Variants in SUCLG1 observed in about 807,000 individuals in gnomAD.
SUCLG1 encodes succinate--CoA ligase [ADP/GDP-forming] subunit alpha, mitochondrial.
SUCLG1 carries 26 observed loss-of-function variants against 37.3 expected under a neutral mutation model. The ratio of observed to expected loss-of-function variants is 0.70; its 90% CI spans 0.51 to 0.97. SUCLG1 has a LOEUF of 0.97. Among genes scored for constraint, SUCLG1 ranks in the 50% least tolerant of loss-of-function variants. The pLI is 0.00. For synonymous variants in SUCLG1, 163 were observed against 155.6 expected (o/e 1.05, Z -0.36); for missense variants, 433 against 432.9 (o/e 1.00, Z 0.00).
chr2:84,425,375 C>A, intron 8 of SUCLG1, 40 bp downstream of exon 8: 1 of 1,612,840 alleles, frequency 6.2e-7, no homozygotes, highest in Non-Finnish European at 8.5e-7. Flanking sequence ...ACAGAGAAAG[C>A]CTGCAACCTC....
chr2:84,451,867 A>G (rs1233493565), intron 1 of SUCLG1, among the ~76,000 whole-genome samples: 1 of 152,242 alleles, frequency 6.6e-6, no homozygotes, highest in Non-Finnish European at 1.5e-5. Flanking sequence ...CTTCTAGATA[A>G]GCTGGAACTA....
At chr2:84,445,162 T>C (rs1379144467) in intron 2 of SUCLG1, among the ~76,000 whole-genome samples, 1 of 152,196 alleles carries the variant, frequency 6.6e-6, no homozygotes, top group Admixed American at 6.5e-5. Context: ...ATCATCACAA[T>C]TTATGTTCAG....
intron 2 of SUCLG1, among the ~76,000 whole-genome samples, chr2:84,449,296 C>T (rs1321106533): frequency 6.6e-6 from 1 of 152,058 alleles, no homozygotes; most frequent in East Asian, 1.9e-4. Flanking sequence ...TGTACAAAAC[C>T]TAAACACAAG....
intron 6 of SUCLG1, chr2:84,432,441 G>C (rs1248690595): frequency 6.6e-6 from 1 of 152,166 alleles, no homozygotes; most frequent in Admixed American, 6.6e-5. Context: ...CGTTAGATCT[G>C]TCATTTCCTA....
intron 5 of SUCLG1, among the ~76,000 whole-genome samples, chr2:84,434,623 T>C (rs1204492266): frequency 1.3e-5 from 2 of 152,342 alleles, no homozygotes; most frequent in East Asian, 1.9e-4. Flanking sequence ...CATGGTTTAC[T>C]TTCCTTAAAC....
intron 2 of SUCLG1, among the ~76,000 whole-genome samples, chr2:84,449,154 G>T (rs923771277): frequency 8.5e-5 from 13 of 152,284 alleles, no homozygotes; most frequent in African/African-American, 3.1e-4. Flanking sequence ...TCATCCCAGA[G>T]AAAGTATAAG....
intron 1 of SUCLG1, among the ~76,000 whole-genome samples, chr2:84,452,509 A>G (rs552213072): frequency 2.0e-5 from 3 of 152,354 alleles, no homozygotes; most frequent in South Asian, 4.1e-4. Flanking sequence ...TACATGATTT[A>G]TGAGTATACT....
In SUCLG1 at chr2:84,443,363, G is replaced by A. The variant is rs1409823999; in HGVS notation, c.239C>T (p.Thr80Ile). ...FHSQQALEYG[T>I]KLVGGTTPGK... ...TGGAGTGGTTCCTCCAACGAGTTTG[G>A]TGCCATATTCCAATGCCTGCTGGCT... is the stretch of plus-strand genomic sequence containing the variant. Residue 80 changes from threonine to isoleucine, a missense_variant, in exon 3 of 9, where the codon ACC becomes ATC. Coordinates refer to ENST00000393868, the MANE Select transcript of SUCLG1 (RefSeq NM_003849.4). 1.9e-6 allele frequency: 3 copies of A among 1,614,170 alleles called. No homozygotes were observed. The highest frequency in any genetic ancestry group is 2.5e-6 in the Non-Finnish European group (3 of 1,180,006).
At chr2:84,441,653 T>C (rs939178533) in intron 3 of SUCLG1, among the ~76,000 whole-genome samples, 194 bp from the exon 4 acceptor site, 1 of 152,168 alleles carries the variant, frequency 6.6e-6, no homozygotes, top group Non-Finnish European at 1.5e-5. Context: ...TCTCAGCCCA[T>C]TTGAATGCCA....
intron 5 of SUCLG1, among the ~76,000 whole-genome samples, chr2:84,437,292 G>A (rs961350248): frequency 6.6e-6 from 1 of 152,112 alleles, no homozygotes; most frequent in African/African-American, 2.4e-5. Flanking sequence ...CAAAGTATTA[G>A]TATCTAGAAC....
intron 2 of SUCLG1, among the ~76,000 whole-genome samples, chr2:84,444,346 C>T (rs1024495255): frequency 1.2e-4 from 19 of 152,024 alleles, no homozygotes; most frequent in Admixed American, 1.0e-3. Flanking sequence ...GCTGGGTGTC[C>T]GGGGAAGACA....
At chr2:84,452,805 CAGT>C (rs1443521906) in intron 1 of SUCLG1, among the ~76,000 whole-genome samples, 1 of 152,156 alleles carries the variant, frequency 6.6e-6, no homozygotes, top group Non-Finnish European at 1.5e-5. Context: ...GCCTTACACA[CAGT>C]AGGTCTATGG....
At chr2:84,444,952 T>C (rs997726038) in intron 2 of SUCLG1, among the ~76,000 whole-genome samples, 6 of 152,212 alleles carry the variant, frequency 3.9e-5, no homozygotes, top group African/African-American at 1.4e-4. Flanking sequence ...CCTGTTCCTT[T>C]TTCATGGTGC....
rs73942653 is a variant in SUCLG1 at position 84,423,539 on chromosome 2, T to C, written c.*207A>G. On this transcript the variant is annotated 3_prime_UTR_variant, in exon 9 of 9. Transcript: ENST00000393868. ...CCTCCAAAACCATATTGAAATCAAA[T>C]AGTAGATTTATTGGCTGTCTCTGTA... 2.5e-3 allele frequency: 1,535 copies of C among 616,118 alleles called. 20 individuals are homozygous for C. The African/African-American group carries it at 0.026, about 11-fold the overall frequency. 38.2% of individuals were successfully genotyped at this position (616,118 alleles called of 1,614,324 possible). A position where few individuals can be genotyped will look rare whatever the true frequency, so the allele number is the denominator to read the frequency against.
At position 84,429,841 on chromosome 2, in the gene SUCLG1, G is replaced by C. The variant is rs185025929; in HGVS notation, c.825+1667C>G. Among the ~76,000 whole-genome samples the C allele has an allele frequency of 5.3e-5, 8 of 152,232 alleles. No homozygotes were observed. In the East Asian group the frequency reaches 7.7e-4, roughly 15 times the overall value. ...TAAACAGAATGGCCTAAGAGTAAAG[G>C]GGGGTGGTTGGAGAAAATAAGAGAG... is the stretch of plus-strand genomic sequence containing the variant. On this transcript the variant is annotated intron_variant, in intron 7 of 8. Transcript: ENST00000393868.
chr2:84,429,521 G>A (rs1241627133), intron 7 of SUCLG1, among the ~76,000 whole-genome samples: 1 of 152,122 alleles, frequency 6.6e-6, no homozygotes, highest in African/African-American at 2.4e-5. Flanking sequence ...GCAGGGCACT[G>A]AAGTTAACAG....
intron 1 of SUCLG1, among the ~76,000 whole-genome samples, chr2:84,452,886 C>T (rs1218953039): frequency 6.6e-6 from 1 of 152,174 alleles, no homozygotes; most frequent in Non-Finnish European, 1.5e-5. Flanking sequence ...CCAAGCTAAA[C>T]ACCATAAGGT....
rs371630011 is a variant in SUCLG1 at position 84,441,419 on chromosome 2, A to C, written c.359T>G (p.Val120Gly). The C allele has an allele frequency of 2.5e-6, 4 of 1,614,176 alleles. No homozygotes were observed. In the African/African-American group the frequency reaches 5.3e-5, roughly 22 times the overall value. Reference protein sequence around the residue: ...QTGATASVIYVPPPFAAAAIN... With the variant: ...QTGATASVIYGPPPFAAAAIN... ...GGCAGCAGCAGCAAAAGGCGGAGGA[A>C]CATAAATGACAGAAGCCGTTGCTCC... Residue 120 changes from valine to glycine, a missense_variant, in exon 4 of 9, where the codon GTT becomes GGT. By Grantham distance (109) the Val-to-Gly change is moderately radical. Coordinates refer to ENST00000393868, the MANE Select transcript of SUCLG1 (RefSeq NM_003849.4).
intron 3 of SUCLG1, among the ~76,000 whole-genome samples, chr2:84,442,327 G>T (rs964215596): frequency 2.6e-5 from 4 of 152,094 alleles, no homozygotes; most frequent in African/African-American, 9.7e-5. Flanking sequence ...AAAATGTAAT[G>T]CTTTAAAACA....
Sources: gnomAD v4.1 joint callset for allele counts (sites outside exome capture counted in the v4.1 genomes callset) on GRCh38, gnomAD v4.1.1 for gene constraint, MANE v1.5 for transcripts, NCBI Gene and HGNC (gene_info 2026-07-23, HGNC 2026-07-21) for gene names.